The following ADAMTS12 variants were observed in gnomAD, a reference collection of about 807,000 sequenced individuals.
The protein encoded by ADAMTS12 is A disintegrin and metalloproteinase with thrombospondin motifs 12.
In ADAMTS12, 118 loss-of-function variants were observed where a neutral mutation model predicts 167.8. The observed-to-expected ratio is 0.70, with a 90% CI of 0.61 to 0.82. The LOEUF is 0.82. Ranked by LOEUF, ADAMTS12 falls within the 40% of genes least tolerant of loss-of-function variation. ADAMTS12 has a pLI of 0.00. For missense variants in ADAMTS12, 1,916 were observed against 1,998.8 expected (o/e 0.96, Z 0.79); for synonymous variants, 704 against 716.9 (o/e 0.98, Z 0.29).
intron 3 of ADAMTS12, among the ~76,000 whole-genome samples, chr5:33,737,417 TG>T (rs1744412894): frequency 1.3e-5 from 2 of 152,250 alleles, no homozygotes; most frequent in African/African-American, 4.8e-5. Context: ...TGCCAGGGGC[TG>T]GGGAAAGGGG....
At chr5:33,752,829 C>T (rs552781122) in intron 2 of ADAMTS12, among the ~76,000 whole-genome samples, 1 of 152,332 alleles carries the variant, frequency 6.6e-6, no homozygotes, top group Admixed American at 6.5e-5. Context: ...CCCCCACAGT[C>T]AGGAGGCAAG....
chr5:33,860,615 C>G (rs903985369), intron 2 of ADAMTS12, among the ~76,000 whole-genome samples: 11 of 152,046 alleles, frequency 7.2e-5, no homozygotes, highest in African/African-American at 2.7e-4. Context: ...GGAGAATATC[C>G]CCAGCCTAGC....
chr5:33,756,238 A>G (rs1003759467), intron 2 of ADAMTS12, among the ~76,000 whole-genome samples: 6 of 152,262 alleles, frequency 3.9e-5, no homozygotes, highest in Non-Finnish European at 8.8e-5. Flanking sequence ...CACTGGGCCT[A>G]GAGCCCAGAC....
At chr5:33,671,932 TCACATA>T (rs1378529115) in intron 5 of ADAMTS12, among the ~76,000 whole-genome samples, 2 of 99,484 alleles carry the variant, frequency 2.0e-5, no homozygotes, top group East Asian at 7.0e-4. Context: ...ACCCACATAC[TCACATA>T]CACACACACA....
intron 3 of ADAMTS12, among the ~76,000 whole-genome samples, chr5:33,703,925 T>C (rs1162500711): frequency 6.6e-6 from 1 of 152,174 alleles, no homozygotes; most frequent in Non-Finnish European, 1.5e-5. Flanking sequence ...AAAAGCCTAA[T>C]CCCCAGACAG....
intron 2 of ADAMTS12, among the ~76,000 whole-genome samples, chr5:33,777,166 C>G (rs10472231): frequency 0.05 from 7,661 of 152,162 alleles, 690 homozygotes; most frequent in African/African-American, 0.18. Flanking sequence ...GACTTCCAAA[C>G]TCATCGTATG....
At chr5:33,714,968 A>T (rs997012117) in intron 3 of ADAMTS12, among the ~76,000 whole-genome samples, 1 of 150,622 alleles carries the variant, frequency 6.6e-6, no homozygotes, top group African/African-American at 2.4e-5. Context: ...TTCCCAAAAT[A>T]AAGAAATGAT....
At chr5:33,739,815 G>A (rs1162505668) in intron 3 of ADAMTS12, among the ~76,000 whole-genome samples, 2 of 152,214 alleles carry the variant, frequency 1.3e-5, no homozygotes, top group African/African-American at 4.8e-5. Flanking sequence ...GGGCAAGGGT[G>A]TAAAGAAGGC....
In ADAMTS12 at chr5:33,737,510, GA is replaced by G. The variant is rs150426462; in HGVS notation, c.634+13893del. The stretch of plus-strand genomic sequence containing the variant: ...CTGGAGATTGGTTGCACAACAATGT[GA>G]ATATACAAACACTATTGAACTGTAC... On this transcript the variant is annotated intron_variant, in intron 3 of 23. Transcript: ENST00000504830. Among the ~76,000 whole-genome samples, 354 of 152,298 alleles carry G rather than the reference GA, an allele frequency of 2.3e-3. 3 individuals carry two copies. Among genetic ancestry groups the G allele is most frequent in the African/African-American group, 8.1e-3 (336 of 41,564 alleles).
chr5:33,562,416 GC>G (rs1225046467), intron 19 of ADAMTS12, among the ~76,000 whole-genome samples: 1 of 151,924 alleles, frequency 6.6e-6, no homozygotes, highest in African/African-American at 2.4e-5. Context: ...CCTTTTGTGT[GC>G]CTGATTCTTT....
At chr5:33,849,185 G>A (rs375627226) in intron 2 of ADAMTS12, among the ~76,000 whole-genome samples, 4 of 59,930 alleles carry the variant, frequency 6.7e-5, no homozygotes, top group Non-Finnish European at 1.4e-4. Flanking sequence ...ATATATATAT[G>A]TATTGCATAG....
At chr5:33,665,674 C>A (rs1741440110) in intron 5 of ADAMTS12, among the ~76,000 whole-genome samples, 1 of 152,132 alleles carries the variant, frequency 6.6e-6, no homozygotes, top group African/African-American at 2.4e-5. Context: ...CCTCTATTAA[C>A]CTCAATAGGG....
chr5:33,574,303 T>C (rs889229254), intron 19 of ADAMTS12, among the ~76,000 whole-genome samples: 1 of 151,972 alleles, frequency 6.6e-6, no homozygotes, highest in Non-Finnish European at 1.5e-5. Flanking sequence ...CACACGTATG[T>C]TTAGTGCGGC....
At chr5:33,834,977 C>T (rs1278804159) in intron 2 of ADAMTS12, among the ~76,000 whole-genome samples, 1 of 152,134 alleles carries the variant, frequency 6.6e-6, no homozygotes, top group Admixed American at 6.6e-5. Context: ...CTCACTTGAC[C>T]GTGTGGCAAC....
intron 19 of ADAMTS12, among the ~76,000 whole-genome samples, chr5:33,562,593 C>T (rs1159710473): frequency 6.6e-6 from 1 of 151,314 alleles, no homozygotes; most frequent in Non-Finnish European, 1.5e-5. Context: ...ACATAAAGAC[C>T]AGACTTAAGT....
chr5:33,706,550 G>A (rs1743207874), intron 3 of ADAMTS12, among the ~76,000 whole-genome samples: 1 of 152,084 alleles, frequency 6.6e-6, no homozygotes. Flanking sequence ...GTGTGTCTTT[G>A]CACATGAGAT....
At chr5:33,818,404 C>G (rs1487762064) in intron 2 of ADAMTS12, among the ~76,000 whole-genome samples, 2 of 152,052 alleles carry the variant, frequency 1.3e-5, no homozygotes, top group Admixed American at 6.6e-5. Context: ...AGCATAATGT[C>G]CTAATGGCAG....
intron 2 of ADAMTS12, among the ~76,000 whole-genome samples, chr5:33,865,697 G>T (rs1486056094): frequency 6.6e-6 from 1 of 152,108 alleles, no homozygotes; most frequent in Admixed American, 6.6e-5. Flanking sequence ...TGATATGACT[G>T]TATAACTAGA....
At chr5:33,880,965 C>T in intron 2 of ADAMTS12, 154 bp downstream of exon 2, 3 of 1,120,012 alleles carry the variant, frequency 2.7e-6, no homozygotes, top group Admixed American at 2.7e-5. Flanking sequence ...TTATTAAATA[C>T]TTTCTCGCCA....
Sources: gnomAD v4.1 joint callset for allele counts (sites outside exome capture counted in the v4.1 genomes callset) on GRCh38, gnomAD v4.1.1 for gene constraint, MANE v1.5 for transcripts, NCBI Gene and HGNC (gene_info 2026-07-23, HGNC 2026-07-21) for gene names.